The following ENPP3 variants were observed in gnomAD, a reference collection of about 807,000 sequenced individuals.
The protein encoded by ENPP3 is ectonucleotide pyrophosphatase/phosphodiesterase family member 3.
Under a neutral mutation model 117.8 loss-of-function variants are expected in ENPP3, and 104 were observed. The observed-to-expected ratio is 0.88, with a 90% CI of 0.75 to 1.04. The LOEUF (loss-of-function observed/expected upper bound fraction) is 1.04, where lower values mean the gene tolerates loss of function less well. ENPP3 is among the 50% of genes least tolerant of loss of function. The pLI is 0.00. For synonymous variants in ENPP3, 380 were observed against 349.9 expected (o/e 1.09, Z -0.96); for missense variants, 1,026 against 1,051.9 (o/e 0.98, Z 0.34).
intron 11 of ENPP3, among the ~76,000 whole-genome samples, chr6:131,680,293 G>GA (rs1281259665): frequency 4.6e-5 from 7 of 152,110 alleles, no homozygotes; most frequent in Non-Finnish European, 1.0e-4. Flanking sequence ...GGGGTTGGGG[G>GA]ATCAAGATTG....
chr6:131,680,594 G>A (rs538444754), intron 11 of ENPP3, among the ~76,000 whole-genome samples: 2 of 152,182 alleles, frequency 1.3e-5, no homozygotes, highest in African/African-American at 2.4e-5. Flanking sequence ...AGAAGAAGAG[G>A]CAAATGAATG....
In ENPP3 at chr6:131,688,896, C is replaced by CAA. The variant is rs34743742; in HGVS notation, c.1284+3009_1284+3010dup. 6.9e-3 allele frequency among the ~76,000 whole-genome samples: 609 copies of CAA among 88,240 alleles called. 4 individuals are homozygous for CAA. The highest frequency in any genetic ancestry group is 0.016 in the African/African-American group (445 of 27,596). The allele number at this position is 88,240 out of a possible 152,430, so 57.9% of individuals were successfully genotyped here. A position where few individuals can be genotyped will look rare whatever the true frequency, so the allele number is the denominator to read the frequency against. On this transcript the variant is annotated intron_variant, in intron 14 of 24. Coordinates refer to ENST00000357639, the MANE Select transcript of ENPP3 (RefSeq NM_005021.5). The stretch of plus-strand genomic sequence containing the variant: ...GTGAAACCCGTCTCTACTAAAAATC[C>CAA]AAAAAAAAAAAAAAAAAAAAATAGC...
chr6:131,679,405 A>G lies in ENPP3; in HGVS notation c.1011+1465A>G, dbSNP rs1343025919. Reference sequence around the variant, plus strand: ...CCACTGCACCCAGCCATTCTTTTCTATTTTAACTGTTAGCCGTGTTTGATA... The same window carrying G: ...CCACTGCACCCAGCCATTCTTTTCTGTTTTAACTGTTAGCCGTGTTTGATA... On this transcript the variant is annotated intron_variant, in intron 11 of 24. Coordinates refer to ENST00000357639, the MANE Select transcript of ENPP3 (RefSeq NM_005021.5). Among the ~76,000 whole-genome samples, 17 of 150,886 alleles carry G rather than the reference A, an allele frequency of 1.1e-4. No individual in the cohort carries two copies. The East Asian group carries it at 3.4e-3, about 30-fold the overall frequency.
chr6:131,672,047 C>T (rs1468545084), intron 7 of ENPP3, among the ~76,000 whole-genome samples: 2 of 152,142 alleles, frequency 1.3e-5, no homozygotes, highest in Non-Finnish European at 2.9e-5. Flanking sequence ...ATTCTCATTA[C>T]TTGCAGATTC....
At chr6:131,663,150 G>A (rs1778537883) in intron 6 of ENPP3, among the ~76,000 whole-genome samples, 1 of 146,554 alleles carries the variant, frequency 6.8e-6, no homozygotes, top group Admixed American at 6.7e-5. Context: ...TTCCTATGTG[G>A]TTGCCTTTTT....
At chr6:131,732,978 C>T (rs764754320) in intron 20 of ENPP3, among the ~76,000 whole-genome samples, 10 of 152,006 alleles carry the variant, frequency 6.6e-5, no homozygotes, top group South Asian at 4.2e-4. Context: ...CTGCCTGCCT[C>T]GGCCTCTCAA....
intron 6 of ENPP3, among the ~76,000 whole-genome samples, chr6:131,663,381 T>A (rs1426949442): frequency 1.3e-5 from 2 of 151,914 alleles, no homozygotes; most frequent in African/African-American, 2.4e-5. Context: ...TACATTATAA[T>A]GGAGTTGAGA....
rs1453369591 is a variant in ENPP3, at chr6:131,738,128, TG to T, written c.2266del (p.Asp756MetfsTer14). The T allele has an allele frequency of 1.9e-6, 3 of 1,610,828 alleles. No individual in the cohort carries two copies. In the African/African-American group the frequency reaches 4.0e-5, roughly 22 times the overall value. Reference protein sequence around the residue: ...VSGPIFDYNYDGHFDAPDEIT... With the variant: ...VSGPIFDYNYXGHFDAPDEIT... ...GTGGACCAATATTTGATTATAATTA[TG>T]ATGGCCATTTTGATGCTCCAGATGA... On this transcript the variant is annotated frameshift_variant, in exon 23 of 25. Transcript: ENST00000357639. LOFTEE classifies it high-confidence loss of function.
At chr6:131,738,689 G>C (rs1318080271) in intron 23 of ENPP3, among the ~76,000 whole-genome samples, 1 of 152,124 alleles carries the variant, frequency 6.6e-6, no homozygotes, top group Admixed American at 6.6e-5. Flanking sequence ...ATTAAGCCTG[G>C]TCATAACAGG....
chr6:131,744,802 TACACAC>T lies in ENPP3; in HGVS notation c.2458-1956_2458-1951del, dbSNP rs72401502. On this transcript the variant is annotated intron_variant, in intron 24 of 24. Coordinates refer to ENST00000357639, the MANE Select transcript of ENPP3 (RefSeq NM_005021.5). ...TCTTAATTCTGTAACAGGTCATTTA[TACACAC>T]ACACACACACACACACACACACACA... is the stretch of plus-strand genomic sequence containing the variant. 2.9e-3 allele frequency among the ~76,000 whole-genome samples: 425 copies of T among 146,858 alleles called. 1 individual carries two copies. The highest frequency in any genetic ancestry group is 0.014 in the Middle Eastern group (4 of 288).
intron 14 of ENPP3, among the ~76,000 whole-genome samples, chr6:131,687,553 T>A (rs1342789403): frequency 6.6e-6 from 1 of 151,954 alleles, no homozygotes; most frequent in Non-Finnish European, 1.5e-5. Flanking sequence ...AAAGAAACTA[T>A]CAACAGAGCA....
chr6:131,747,120 G>C lies in ENPP3; in HGVS notation c.*164G>C. ...CCTTTTTCTCTTTTTTCAATTCTAT[G>C]AATATGTATTATTTTAAAGTTATAT... On this transcript the variant is annotated 3_prime_UTR_variant, in exon 25 of 25. Transcript: ENST00000357639. The C allele has an allele frequency of 2.2e-6, 1 of 452,240 alleles. No individual in the cohort carries two copies. The allele number at this position is 452,240 out of a possible 1,614,324, so 28.0% of individuals were successfully genotyped here. A position where few individuals can be genotyped will look rare whatever the true frequency, so the allele number is the denominator to read the frequency against.
At chr6:131,734,597 CATT>C (rs757751767) in intron 21 of ENPP3, among the ~76,000 whole-genome samples, 150 of 152,098 alleles carry the variant, frequency 9.9e-4, no homozygotes, top group Non-Finnish European at 8.2e-4. Context: ...CTGTGATAAA[CATT>C]AAAAATTTGC....
intron 14 of ENPP3, among the ~76,000 whole-genome samples, chr6:131,687,992 C>A (rs1256351262): frequency 6.6e-6 from 1 of 152,158 alleles, no homozygotes; most frequent in East Asian, 1.9e-4. Flanking sequence ...GGTTTTGTGG[C>A]AGCTCTGCAC....
At chr6:131,689,696 T>A (rs1224450159) in intron 14 of ENPP3, among the ~76,000 whole-genome samples, 1 of 152,196 alleles carries the variant, frequency 6.6e-6, no homozygotes, top group Non-Finnish European at 1.5e-5. Context: ...GTCTTATTCT[T>A]TAAGAAATAC....
chr6:131,650,763 C>G (rs1778246437), intron 3 of ENPP3, among the ~76,000 whole-genome samples: 1 of 152,142 alleles, frequency 6.6e-6, no homozygotes, highest in African/African-American at 2.4e-5. Context: ...TGTGGCAGCA[C>G]AGCTCCAGGC....
In ENPP3 at chr6:131,689,822, G is replaced by A. The variant is rs76216607; in HGVS notation, c.1285-3675G>A. Among the ~76,000 whole-genome samples the A allele has an allele frequency of 6.4e-3, 975 of 152,272 alleles. 6 individuals carry two copies. Among genetic ancestry groups the A allele is most frequent in the African/African-American group, 0.022 (923 of 41,542 alleles). On this transcript the variant is annotated intron_variant, in intron 14 of 24. Coordinates refer to ENST00000357639, the MANE Select transcript of ENPP3 (RefSeq NM_005021.5). The stretch of plus-strand genomic sequence containing the variant: ...ATTCTAGATACCATTAAAAACATTT[G>A]TGATTTGTGGGAGGTCAAAATATCA...
chr6:131,738,177 CT>C lies in ENPP3; in HGVS notation c.2300+19del, dbSNP rs2114572392. On this transcript the variant is annotated intron_variant, in intron 23 of 24. Coordinates refer to ENST00000357639, the MANE Select transcript of ENPP3 (RefSeq NM_005021.5). ...TGAAATTACCAAGTAAGTGATTTGA[CT>C]TTTTGATTTATCAATAGGGTCTCAT... 1 of 1,606,674 alleles carries C rather than the reference CT, an allele frequency of 6.2e-7. No individual in the cohort carries two copies. Among genetic ancestry groups the C allele is most frequent in the Non-Finnish European group, 8.5e-7 (1 of 1,176,000 alleles).
chr6:131,655,109 C>T (rs151015795), intron 5 of ENPP3, among the ~76,000 whole-genome samples: 3 of 152,214 alleles, frequency 2.0e-5, no homozygotes, highest in Non-Finnish European at 2.9e-5. Context: ...CTCAAGAAAT[C>T]GTTAATATTT....
Sources: allele counts gnomAD v4.1 joint callset (sites outside exome capture counted in the v4.1 genomes callset), GRCh38; gene constraint gnomAD v4.1.1; transcripts MANE v1.5; gene names NCBI Gene and HGNC (gene_info 2026-07-23, HGNC 2026-07-21).